NCOR2: variants seen among roughly 807,000 people sequenced by gnomAD.
NCOR2 encodes the protein CTG repeat protein 26.
NCOR2 carries 81 observed loss-of-function variants against 262.9 expected under a neutral mutation model. The ratio of observed to expected loss-of-function variants is 0.31; its 90% confidence interval spans 0.26 to 0.37. The LOEUF is 0.37. Among genes scored for constraint, NCOR2 ranks in the 10% least tolerant of loss-of-function variants. NCOR2 has a pLI of 1.00. For synonymous variants in NCOR2, 1,659 were observed against 1,559.3 expected (o/e 1.06, Z -1.51); for missense variants, 3,385 against 3,621.4 (o/e 0.93, Z 1.68).
chr12:124,383,226 C>T (rs556769140), intron 17 of NCOR2, among the ~76,000 whole-genome samples: 1 of 152,280 alleles, frequency 6.6e-6, no homozygotes, highest in South Asian at 2.1e-4. Context: ...GATGGGGAAA[C>T]TGAGGCACAG....
intron 22 of NCOR2, 172 bp from the exon 25 acceptor site, chr12:124,356,954 G>A (rs1358477193): frequency 1.5e-5 from 11 of 747,996 alleles, no homozygotes; most frequent in Non-Finnish European, 1.9e-5. Flanking sequence ...GCGCTGCTCT[G>A]TAACCCCATG....
At chr12:124,415,502 C>T (rs917907345) in intron 13 of NCOR2, among the ~76,000 whole-genome samples, 5 of 152,264 alleles carry the variant, frequency 3.3e-5, no homozygotes, top group African/African-American at 9.6e-5. Flanking sequence ...TGGTTGTGAA[C>T]CAGGCCTGTG....
exon 41 of NCOR2, chr12:124,334,551 G>T: frequency 2.1e-6 from 3 of 1,422,092 alleles, no homozygotes; most frequent in Non-Finnish European, 2.7e-6. Context: ...AAGGAGTAGA[G>T]GGGGGCGGGC....
At chr12:124,348,201 T>C in exon 29 of NCOR2, 1 of 1,612,370 alleles carries the variant, frequency 6.2e-7, no homozygotes, top group Non-Finnish European at 8.5e-7. Flanking sequence ...GAGATGGCTC[T>C]GCCCACGCGG....
intron 1 of NCOR2, among the ~76,000 whole-genome samples, chr12:124,546,981 A>AATATTTTATTTATTTTTATT (rs2051564483): frequency 6.6e-6 from 1 of 151,886 alleles, no homozygotes; most frequent in Non-Finnish European, 1.5e-5. Flanking sequence ...GTCTTTTTAT[A>AATATTTTATTTATTTTTATT]ATATTTTATT....
At chr12:124,341,387 G>T (rs1055811060) in intron 34 of NCOR2, among the ~76,000 whole-genome samples, 1 of 152,072 alleles carries the variant, frequency 6.6e-6, no homozygotes, top group African/African-American at 2.4e-5. Flanking sequence ...CTACAGGTGC[G>T]CATCACCATG....
chr12:124,458,315 CAG>C (rs1491566033), intron 5 of NCOR2, among the ~76,000 whole-genome samples: 2 of 152,218 alleles, frequency 1.3e-5, no homozygotes, highest in Non-Finnish European at 2.9e-5. Context: ...CGGGCTGCAG[CAG>C]AGAGAGGAGG....
At chr12:124,348,592 T>C (rs1236848941) in intron 28 of NCOR2, 4 of 485,572 alleles carry the variant, frequency 8.2e-6, no homozygotes, top group African/African-American at 2.0e-5. Flanking sequence ...GTGCTCTGTC[T>C]GCAAGCAAGG....
chr12:124,552,875 G>C (rs938354792), intron 1 of NCOR2, among the ~76,000 whole-genome samples: 1 of 152,080 alleles, frequency 6.6e-6, no homozygotes, highest in Non-Finnish European at 1.5e-5. Context: ...TAGAGACAGG[G>C]GGTCCCACTG....
At chr12:124,396,942 G>A (rs758482893) in intron 16 of NCOR2, among the ~76,000 whole-genome samples, 2 of 152,208 alleles carry the variant, frequency 1.3e-5, no homozygotes, top group Non-Finnish European at 2.9e-5. Context: ...CAAAGAAACC[G>A]CACGTCACAG....
exon 2 of NCOR2, chr12:124,486,449 C>T (rs903677936): frequency 1.2e-6 from 2 of 1,612,608 alleles, no homozygotes; most frequent in Non-Finnish European, 1.7e-6. Flanking sequence ...ACCGTTCATT[C>T]CCGGGCTGGA....
intron 1 of NCOR2, among the ~76,000 whole-genome samples, chr12:124,532,156 A>T (rs1342202960): frequency 2.6e-5 from 4 of 152,140 alleles, no homozygotes; most frequent in Non-Finnish European, 4.4e-5. Context: ...AGGTAATTCC[A>T]CAAAGTGCTT....
At chr12:124,369,466 T>G (rs1021974464) in intron 20 of NCOR2, among the ~76,000 whole-genome samples, 5 of 151,398 alleles carry the variant, frequency 3.3e-5, no homozygotes, top group Non-Finnish European at 5.9e-5. Flanking sequence ...AGGGGTCGCC[T>G]GGGGGGCCCG....
At chr12:124,455,322 C>A (rs2045784167) in intron 6 of NCOR2, among the ~76,000 whole-genome samples, 2 of 152,234 alleles carry the variant, frequency 1.3e-5, no homozygotes, top group East Asian at 1.9e-4. Flanking sequence ...GATATCACTT[C>A]CACTGAGAGA....
At chr12:124,357,916 T>TGCAC (rs1593195157) in intron 22 of NCOR2, among the ~76,000 whole-genome samples, 9 of 148,172 alleles carry the variant, frequency 6.1e-5, no homozygotes, top group East Asian at 2.1e-4. Context: ...TGTGTGTGCG[T>TGCAC]GCGCACGTGC....
At chr12:124,393,201 G>A (rs1160162734) in intron 16 of NCOR2, among the ~76,000 whole-genome samples, 2 of 152,176 alleles carry the variant, frequency 1.3e-5, no homozygotes, top group Admixed American at 1.3e-4. Context: ...CAGGGGAACC[G>A]AGTCCCTCAT....
chr12:124,532,496 G>C (rs1193093251), intron 1 of NCOR2, among the ~76,000 whole-genome samples: 2 of 152,226 alleles, frequency 1.3e-5, no homozygotes, highest in African/African-American at 4.8e-5. Context: ...GGGGGCTCCT[G>C]GGAGCATCAG....
At chr12:124,537,228 T>C (rs146088474), upstream of NCOR2, among the ~76,000 whole-genome samples, 17 of 152,358 alleles carry the variant, frequency 1.1e-4, no homozygotes, top group African/African-American at 3.8e-4. Flanking sequence ...AATTGTTCGC[T>C]AATCTGCACT....
intron 14 of NCOR2, 88 bp downstream of exon 16, chr12:124,402,316 C>T: frequency 1.9e-6 from 3 of 1,571,546 alleles, no homozygotes; most frequent in Non-Finnish European, 1.7e-6. Context: ...GGGCACCCCA[C>T]CCGTCTCTAC....
Sources: allele counts gnomAD v4.1 joint callset (sites outside exome capture counted in the v4.1 genomes callset), GRCh38; gene constraint gnomAD v4.1.1; transcripts MANE v1.5; gene names NCBI Gene and HGNC (gene_info 2026-07-23, HGNC 2026-07-21).